Variants in SLTM observed in about 807,000 individuals in gnomAD.
The protein encoded by SLTM is SAFB like transcription modulator, also known as SAFB-like transcription modulator.
In SLTM, 43 loss-of-function variants were observed where a neutral mutation model predicts 134.6. The ratio of observed to expected loss-of-function variants is 0.32; its 90% CI spans 0.25 to 0.41. The LOEUF is 0.41. Ranked by LOEUF, SLTM falls within the 10% of genes least tolerant of loss-of-function variation. The pLI is 1.00. For synonymous variants in SLTM, 424 were observed against 432.3 expected (o/e 0.98, Z 0.24); for missense variants, 1,055 against 1,288.8 (o/e 0.82, Z 2.78).
chr15:58,903,787 T>C (rs1026429556), intron 5 of SLTM, among the ~76,000 whole-genome samples: 2 of 151,568 alleles, frequency 1.3e-5, no homozygotes, highest in Middle Eastern at 3.5e-3. Context: ...GCGCAAACAC[T>C]GAGCATTGCT....
In SLTM at chr15:58,893,021, C is replaced by T; in HGVS notation, c.1774G>A (p.Asp592Asn). The T allele has an allele frequency of 6.2e-7, 1 of 1,610,560 alleles. No homozygotes were observed. The highest frequency in any genetic ancestry group is 8.5e-7 in the Non-Finnish European group (1 of 1,178,972). The change falls in exon 14 of 21, where the codon GAT becomes AAT. Residue 592 changes from aspartate (D) to asparagine (N), a missense_variant. By Grantham distance (23) the Asp-to-Asn change is conservative. This residue lies in a region of SLTM where 776 missense variants were observed against 962.2 expected (regional missense o/e 0.81). Transcript: ENST00000380516. ...CTGTAGTCTTTATCTCTTTTTTTAT[C>T]TAGACTAGCTCTCTCCTTTTCCTTA... ...RSKEKERASLDKKRDKDYRRK... is the reference protein window; with the variant it reads ...RSKEKERASLNKKRDKDYRRK...
intron 2 of SLTM, among the ~76,000 whole-genome samples, chr15:58,924,568 G>A (rs1435594272): frequency 2.6e-5 from 4 of 152,106 alleles, no homozygotes; most frequent in Non-Finnish European, 5.9e-5. Context: ...CACATCAAAT[G>A]GGATAAGTCA....
chr15:58,925,009 C>G (rs776020643), intron 2 of SLTM, among the ~76,000 whole-genome samples: 8 of 148,880 alleles, frequency 5.4e-5, no homozygotes, highest in Non-Finnish European at 8.9e-5. Flanking sequence ...AATCATTTTG[C>G]CAAAATACTT....
chr15:58,884,645 T>G (rs1489030811), intron 19 of SLTM, among the ~76,000 whole-genome samples: 1 of 151,866 alleles, frequency 6.6e-6, no homozygotes, highest in Non-Finnish European at 1.5e-5. Context: ...ATAATTTTTT[T>G]TTTTGGAGAC....
chr15:58,879,945 A>C lies in SLTM; in HGVS notation c.*54T>G. ...GTCCTCTTCATAAGTAGTCAAGTAA[A>C]GTTTACAGGAGATTTCAATAAATTA... On this transcript the variant is annotated 3_prime_UTR_variant, in exon 21 of 21. Transcript: ENST00000380516. 6.3e-7 allele frequency: 1 copy of C among 1,583,294 alleles called. No individual in the cohort carries two copies. Among genetic ancestry groups the C allele is most frequent in the Non-Finnish European group, 8.6e-7 (1 of 1,162,174 alleles).
intron 14 of SLTM, among the ~76,000 whole-genome samples, chr15:58,892,130 A>T (rs1667950587): frequency 6.6e-6 from 1 of 152,230 alleles, no homozygotes; most frequent in African/African-American, 2.4e-5. Flanking sequence ...CAATGAATGG[A>T]TGAAATCCCA....
intron 16 of SLTM, 93 bp from the exon 17 acceptor site, chr15:58,888,648 G>A (rs1427311258): frequency 2.4e-6 from 3 of 1,264,834 alleles, no homozygotes; most frequent in African/African-American, 1.5e-5. Flanking sequence ...TGTTAGAACT[G>A]TGGACATAAC....
chr15:58,904,577 C>T (rs1487053934), intron 5 of SLTM, among the ~76,000 whole-genome samples: 19 of 148,214 alleles, frequency 1.3e-4, no homozygotes, highest in African/African-American at 4.2e-4. Flanking sequence ...CAGAGTCTCA[C>T]TCCGTCAGCC....
intron 14 of SLTM, 109 bp downstream of exon 14, chr15:58,892,788 G>A: frequency 8.8e-7 from 1 of 1,135,236 alleles, no homozygotes; most frequent in East Asian, 2.4e-5. Flanking sequence ...CTTCTTTAAG[G>A]TGGCAAACAG....
intron 2 of SLTM, among the ~76,000 whole-genome samples, chr15:58,920,036 C>T (rs937044462): frequency 3.7e-4 from 56 of 152,254 alleles, no homozygotes; most frequent in African/African-American, 1.3e-3. Context: ...ATCTTTGAGG[C>T]CGGGCGCAGT....
intron 3 of SLTM, among the ~76,000 whole-genome samples, chr15:58,914,593 G>A (rs563539843): frequency 5.9e-5 from 9 of 152,288 alleles, no homozygotes; most frequent in Non-Finnish European, 8.8e-5. Context: ...GTGAGGGGAT[G>A]AAAATGGAGT....
intron 5 of SLTM, among the ~76,000 whole-genome samples, chr15:58,907,667 T>G (rs1209457324): frequency 6.6e-6 from 1 of 152,054 alleles, no homozygotes; most frequent in Admixed American, 6.6e-5. Flanking sequence ...AACAAGATTT[T>G]AGAGAAAAAG....
At chr15:58,888,607 AC>A (rs2034415538) in intron 16 of SLTM, 52 bp from the exon 17 acceptor site, 1 of 1,577,792 alleles carries the variant, frequency 6.3e-7, no homozygotes, top group Non-Finnish European at 8.7e-7. Context: ...CAGTAATCAA[AC>A]GACATTTACT....
At chr15:58,931,800 C>T (rs1432237092) in intron 2 of SLTM, among the ~76,000 whole-genome samples, 2 of 152,050 alleles carry the variant, frequency 1.3e-5, no homozygotes, top group African/African-American at 4.8e-5. Flanking sequence ...TAATTTAAAA[C>T]TTTTTTAAGC....
At chr15:58,931,007 T>A (rs7165662) in intron 2 of SLTM, among the ~76,000 whole-genome samples, 1 of 152,088 alleles carries the variant, frequency 6.6e-6, no homozygotes, top group African/African-American at 2.4e-5. Context: ...CCTGTCAAAC[T>A]AGCACAGCAT....
At chr15:58,886,234 TGTGTGTG>T (rs2034184660) in intron 19 of SLTM, among the ~76,000 whole-genome samples, 1 of 126,078 alleles carries the variant, frequency 7.9e-6, no homozygotes, top group African/African-American at 3.3e-5. Flanking sequence ...TGTGTGTGTG[TGTGTGTG>T]TGTGTGTGTG....
chr15:58,886,218 AGTGTGTGTGTGTGTGTGTGTGTGTGTGT>A (rs60261686), intron 19 of SLTM, among the ~76,000 whole-genome samples: 1 of 124,458 alleles, frequency 8.0e-6, no homozygotes, highest in Non-Finnish European at 1.7e-5. Context: ...GAAAAAGAAG[AGTGTGTGTGTGTGTGTGTGTGTGTGTGT>A]GTGTGTGTGT....
At position 58,890,383 on chromosome 15, in the gene SLTM, G is replaced by A. The variant is rs1267506650; in HGVS notation, c.1977C>T (p.Arg659=). 1 of 1,613,830 alleles carries A rather than the reference G, an allele frequency of 6.2e-7. No homozygotes were observed. The highest frequency in any genetic ancestry group is 8.5e-7 in the Non-Finnish European group (1 of 1,179,988). The change falls in exon 15 of 21, where the codon CGC becomes CGT. Residue 659 remains arginine, a synonymous_variant. Transcript: ENST00000380516. The stretch of plus-strand genomic sequence containing the variant: ...CTAGGCGCTCTCTCTCTCTCTGTAA[G>A]CGTTCCCGTTCTTCCCGTTCACGAA... ...RIIREREERE[R]LQRERERLEI...
intron 5 of SLTM, among the ~76,000 whole-genome samples, chr15:58,902,295 T>G (rs924924616): frequency 5.3e-5 from 8 of 152,194 alleles, no homozygotes; most frequent in Non-Finnish European, 1.2e-4. Context: ...GGTCTCGAAC[T>G]CCTGGCCTCA....
Sources: allele counts gnomAD v4.1 joint callset (sites outside exome capture counted in the v4.1 genomes callset), GRCh38; gene constraint gnomAD v4.1.1; regional missense constraint gnomAD v4.1.1; transcripts MANE v1.5; gene names NCBI Gene and HGNC (gene_info 2026-07-23, HGNC 2026-07-21).